Variants in RFLNA observed in about 807,000 individuals in gnomAD.
RFLNA encodes the protein refilin-A.
RFLNA carries 5 observed loss-of-function variants against 7.8 expected under a neutral mutation model. The ratio of observed to expected loss-of-function variants is 0.64; its 90% CI spans 0.34 to 1.35. The LOEUF is 1.35. Among genes scored for constraint, RFLNA ranks in the 40% most tolerant of loss-of-function variants. The pLI is 0.04. For synonymous variants in RFLNA, 141 were observed against 131.3 expected, an observed-to-expected ratio of 1.07 and a Z score of -0.50; for missense variants, 278 against 305.5, an observed-to-expected ratio of 0.91 and a Z score of 0.67.
intron 1 of RFLNA, among the ~76,000 whole-genome samples, chr12:124,297,135 G>A (rs2033942954): frequency 1.3e-5 from 2 of 151,454 alleles, no homozygotes; most frequent in African/African-American, 4.8e-5. Context: ...GGGGCTTGGA[G>A]AAAAACGACC....
chr12:124,313,566 C>G (rs939013100), intron 2 of RFLNA, among the ~76,000 whole-genome samples: 28 of 151,956 alleles, frequency 1.8e-4, no homozygotes, highest in Non-Finnish European at 2.9e-4. Context: ...GTAGTCCCAG[C>G]TACTCGGGAG....
intron 1 of RFLNA, among the ~76,000 whole-genome samples, chr12:124,299,334 A>G (rs1593027808): frequency 1.3e-5 from 2 of 152,190 alleles, no homozygotes; most frequent in East Asian, 3.8e-4. Flanking sequence ...CATTCAGCCC[A>G]CAGTTTTTTT....
At position 124,314,626 on chromosome 12, in the gene RFLNA, C is replaced by T. The variant is rs575950271; in HGVS notation, c.*101C>T. The T allele has an allele frequency of 6.2e-5, 95 of 1,524,110 alleles. 1 individual carries two copies. The East Asian group carries it at 1.9e-3, about 30-fold the overall frequency. 94.4% of individuals were successfully genotyped at this position (1,524,110 alleles called of 1,614,324 possible). A position where few individuals can be genotyped will look rare whatever the true frequency, so the allele number is the denominator to read the frequency against. ...CTCGGCCTGGCACTCGGGCAGGAGGCGGGAAGGGAGGCTGCCAGACCAAGG... is the reference window on the plus strand; with the variant it reads ...CTCGGCCTGGCACTCGGGCAGGAGGTGGGAAGGGAGGCTGCCAGACCAAGG... On this transcript the variant is annotated 3_prime_UTR_variant, in exon 3 of 3. Coordinates refer to ENST00000546355, the MANE Select transcript of RFLNA (RefSeq NM_001365156.1).
chr12:124,311,467 G>C lies in RFLNA; in HGVS notation c.208-351G>C, dbSNP rs143754872. Among the ~76,000 whole-genome samples the C allele has an allele frequency of 4.4e-3, 668 of 152,360 alleles. 7 individuals carry two copies. Among genetic ancestry groups the C allele is most frequent in the African/African-American group, 0.015 (625 of 41,580 alleles). On this transcript the variant is annotated intron_variant, in intron 1 of 2. Transcript: ENST00000546355. ...CCGAGTGTGGTTTCAGCCCTGCAAA[G>C]AGCACAGAGGGATCCCAGTTCTCCA... is the stretch of plus-strand genomic sequence containing the variant.
intron 1 of RFLNA, among the ~76,000 whole-genome samples, chr12:124,296,071 C>CTT (rs1473483230): frequency 8.9e-6 from 1 of 112,374 alleles, no homozygotes; most frequent in Non-Finnish European, 1.8e-5. Context: ...ATGTGAAAGC[C>CTT]TTTTCTTTCT....
intron 1 of RFLNA, among the ~76,000 whole-genome samples, chr12:124,309,558 G>A (rs1236236665): frequency 6.6e-6 from 1 of 152,230 alleles, no homozygotes; most frequent in Non-Finnish European, 1.5e-5. Flanking sequence ...TACGCTCTGG[G>A]TCTATTATTC....
chr12:124,314,259 C>A lies in RFLNA; in HGVS notation c.385C>A (p.Pro129Thr). 6.2e-7 allele frequency: 1 copy of A among 1,613,666 alleles called. No homozygotes were observed. The highest frequency in any genetic ancestry group is 8.5e-7 in the Non-Finnish European group (1 of 1,180,026). ...GGACAAGGTCTTCTATGCGCCCGTA[C>A]CCACCGTCACGGCCTACAGCGAGAC... Reference protein sequence around the residue: ...FQDKVFYAPVPTVTAYSETIV... With the variant: ...FQDKVFYAPVTTVTAYSETIV... The change falls in exon 3 of 3, where the codon CCC becomes ACC. Residue 129 changes from proline (P) to threonine (T), a missense_variant. By Grantham distance (38) the Pro-to-Thr change is conservative (BLOSUM62 -1). Coordinates refer to ENST00000546355, the MANE Select transcript of RFLNA (RefSeq NM_001365156.1).
At chr12:124,294,167 A>G (rs1355684299), upstream of RFLNA, among the ~76,000 whole-genome samples, 1 of 152,168 alleles carries the variant, frequency 6.6e-6, no homozygotes, top group Non-Finnish European at 1.5e-5. Context: ...GCGGATTCTG[A>G]CACCCGGCTT....
chr12:124,308,503 C>T (rs73223554), intron 1 of RFLNA, among the ~76,000 whole-genome samples: 10,265 of 152,278 alleles, frequency 0.067, 413 homozygotes, highest in Non-Finnish European at 0.089. Context: ...TTTTGGTGTC[C>T]ATGCGTTGAC....
chr12:124,295,509 A>G lies in RFLNA; in HGVS notation c.80A>G (p.Asp27Gly). Residue 27 changes from aspartate (D) to glycine (G), a missense_variant, in exon 1 of 3, where the codon GAC (aspartate) becomes GGC (glycine). Transcript: ENST00000546355. ...QGREGLLDSPDSGLPPSPSPS... is the reference protein window; with the variant it reads ...QGREGLLDSPGSGLPPSPSPS... ...CGGGAGGGCTTGCTGGACAGCCCCG[A>G]CTCCGGGCTGCCCCCCAGCCCCAGC... The G allele has an allele frequency of 2.4e-6, 3 of 1,274,938 alleles. No homozygotes were observed. Among genetic ancestry groups the G allele is most frequent in the South Asian group, 2.8e-5 (1 of 35,930 alleles). The allele number at this position is 1,274,938 out of a possible 1,614,324, so 79.0% of individuals were successfully genotyped here.
At chr12:124,308,148 A>G (rs924697758) in intron 1 of RFLNA, among the ~76,000 whole-genome samples, 4 of 151,870 alleles carry the variant, frequency 2.6e-5, no homozygotes, top group African/African-American at 9.7e-5. Context: ...TACCTGGCTA[A>G]TTTTTGTATT....
Position 124,306,378 on chromosome 12 carries a change from A to C in RFLNA, c.208-5440A>C, listed in dbSNP as rs1328513828. Reference sequence around the variant, plus strand: ...AGAAGCAGCCAGTGCAGCAGGGAACAGCGGGAACACCGAGGCAGCCTCGGG... The same window carrying C: ...AGAAGCAGCCAGTGCAGCAGGGAACCGCGGGAACACCGAGGCAGCCTCGGG... On this transcript the variant is annotated intron_variant, in intron 1 of 2. Coordinates refer to ENST00000546355, the MANE Select transcript of RFLNA (RefSeq NM_001365156.1). This position sits in a 1 kb window ranked among gnomAD's most constrained non-coding sequence, Gnocchi z 5.2. Among the ~76,000 whole-genome samples the C allele has an allele frequency of 2.0e-5, 3 of 152,278 alleles. No individual in the cohort carries two copies. The East Asian group carries it at 5.8e-4, about 29-fold the overall frequency.
intron 1 of RFLNA, among the ~76,000 whole-genome samples, chr12:124,304,146 G>A (rs528704159): frequency 3.0e-4 from 46 of 152,342 alleles, no homozygotes; most frequent in African/African-American, 1.1e-3. Flanking sequence ...CGACCGTTTC[G>A]ATGTTCGAAT....
chr12:124,303,398 C>T (rs2034080803), intron 1 of RFLNA, among the ~76,000 whole-genome samples: 1 of 152,168 alleles, frequency 6.6e-6, no homozygotes, highest in South Asian at 2.1e-4. Context: ...TCCACAGGAC[C>T]CAACACCCTC....
At chr12:124,313,928 C>A (rs2034300325) in intron 2 of RFLNA, among the ~76,000 whole-genome samples, 1 of 152,210 alleles carries the variant, frequency 6.6e-6, no homozygotes, top group South Asian at 2.1e-4. Flanking sequence ...CCGATAAGGT[C>A]CTTTCCTGGC....
At chr12:124,291,612 C>T (rs564234780), upstream of RFLNA, among the ~76,000 whole-genome samples, 314 of 152,292 alleles carry the variant, frequency 2.1e-3, 2 homozygotes, top group African/African-American at 7.3e-3. Context: ...CACGATGGTG[C>T]GTGTGCAGAG....
intron 1 of RFLNA, among the ~76,000 whole-genome samples, chr12:124,298,809 G>A (rs1255752070): frequency 6.6e-6 from 1 of 152,224 alleles, no homozygotes. Context: ...CTCAGGGTAC[G>A]AACTTTACAG....
At chr12:124,294,607 C>CG (rs397787996), upstream of RFLNA, among the ~76,000 whole-genome samples, 1 of 152,060 alleles carries the variant, frequency 6.6e-6, no homozygotes, top group Non-Finnish European at 1.5e-5. Context: ...CCGCCGCCCC[C>CG]ACCCACAGGT....
chr12:124,310,370 A>C (rs2034220905), intron 1 of RFLNA, among the ~76,000 whole-genome samples: 3 of 150,448 alleles, frequency 2.0e-5, no homozygotes, highest in African/African-American at 7.3e-5. Context: ...ACACTTCCGG[A>C]GGGAAGAGTG....
Sources: gnomAD v4.1 joint callset for allele counts (sites outside exome capture counted in the v4.1 genomes callset) on GRCh38, gnomAD v4.1.1 for gene constraint, Gnocchi (gnomAD v3.1) non-coding constraint, MANE v1.5 for transcripts, NCBI Gene and HGNC (gene_info 2026-07-23, HGNC 2026-07-21) for gene names.